AIG1: variants seen among roughly 807,000 people sequenced by gnomAD.
AIG1 encodes the protein androgen induced 1.
Under a neutral mutation model 31.4 loss-of-function variants are expected in AIG1, and 23 were observed. The observed-to-expected ratio is 0.73, with a 90% CI of 0.53 to 1.04. The LOEUF is 1.04. Ranked by LOEUF, AIG1 falls within the 50% of genes least tolerant of loss-of-function variation. AIG1 has a pLI of 0.00. For missense variants in AIG1, 274 were observed against 295.0 expected (o/e 0.93, Z 0.52); for synonymous variants, 100 against 110.5 (o/e 0.90, Z 0.60).
At chr6:143,157,298 C>T (rs1785873175) in intron 2 of AIG1, among the ~76,000 whole-genome samples, 1 of 152,224 alleles carries the variant, frequency 6.6e-6, no homozygotes, top group African/African-American at 2.4e-5. Context: ...TTAATTTCCT[C>T]CACCACATTG....
At position 143,268,834 on chromosome 6, in the gene AIG1, G is replaced by A. The variant is rs1046847777; in HGVS notation, c.400-15276G>A. The stretch of plus-strand genomic sequence containing the variant: ...GGACTTACTTCCCCAGCAGGTGGGA[G>A]TGCCGTCAGTTTCAGCCCTCTGCTC... On this transcript the variant is annotated intron_variant, in intron 3 of 5. Transcript: ENST00000357847. This position sits in a 1 kb window ranked among gnomAD's most constrained non-coding sequence, Gnocchi z 5.0. Among the ~76,000 whole-genome samples the A allele has an allele frequency of 6.6e-6, 1 of 152,238 alleles. No homozygotes were observed. The highest frequency in any genetic ancestry group is 2.4e-5 in the African/African-American group (1 of 41,462).
chr6:143,290,755 G>T (rs944115338), intron 4 of AIG1, among the ~76,000 whole-genome samples: 1 of 152,108 alleles, frequency 6.6e-6, no homozygotes, highest in Non-Finnish European at 1.5e-5. Flanking sequence ...TTGTTTGTTG[G>T]GGGGTGGCAG....
In AIG1 at chr6:143,328,730, A is replaced by G. The variant is rs976986801; in HGVS notation, c.516-4552A>G. On this transcript the variant is annotated intron_variant, in intron 4 of 5. Coordinates refer to ENST00000357847, the MANE Select transcript of AIG1 (RefSeq NM_016108.4). This position sits in a 1 kb window ranked among gnomAD's most constrained non-coding sequence, Gnocchi z 4.0. ...GCACTCAGATAGGAGGCATGAATAA[A>G]TGTTATTTTTTTAATTGTACATAAA... Among the ~76,000 whole-genome samples, 3 of 152,218 alleles carry G rather than the reference A, an allele frequency of 2.0e-5. No individual in the cohort carries two copies. Among genetic ancestry groups the G allele is most frequent in the Admixed American group, 6.5e-5 (1 of 15,280 alleles).
chr6:143,196,093 CT>C (rs1375109516), intron 3 of AIG1, among the ~76,000 whole-genome samples: 2 of 152,180 alleles, frequency 1.3e-5, no homozygotes, highest in Non-Finnish European at 2.9e-5. Flanking sequence ...AGGCTCAGAA[CT>C]TTTTCCCAGC....
rs191082248 is a variant in AIG1, at chr6:143,095,326, A to G, written c.141+34260A>G. Among the ~76,000 whole-genome samples, 315 of 152,320 alleles carry G rather than the reference A, an allele frequency of 2.1e-3. 2 individuals are homozygous for G. The highest frequency in any genetic ancestry group is 7.1e-3 in the African/African-American group (294 of 41,592). ...ATTACTAGTGCAGGAAGCAAAAAAA[A>G]TTAAAAGACTACTGTATGAATTGAA... is the stretch of plus-strand genomic sequence containing the variant. On this transcript the variant is annotated intron_variant, in intron 1 of 5. Transcript: ENST00000357847.
At chr6:143,303,879 G>A (rs940948485) in intron 4 of AIG1, among the ~76,000 whole-genome samples, 2 of 147,756 alleles carry the variant, frequency 1.4e-5, no homozygotes, top group African/African-American at 5.0e-5. Flanking sequence ...TCTTCCATTT[G>A]TTTGTATCCT....
chr6:143,215,259 G>C (rs1791940324), intron 3 of AIG1, among the ~76,000 whole-genome samples: 1 of 152,126 alleles, frequency 6.6e-6, no homozygotes, highest in Non-Finnish European at 1.5e-5. Flanking sequence ...CACCCCAAAA[G>C]TGGAAAAAGG....
intron 3 of AIG1, chr6:143,189,298 C>T: frequency 1.6e-6 from 1 of 639,650 alleles, no homozygotes; most frequent in Non-Finnish European, 1.9e-6. Flanking sequence ...CCAGGCTGGT[C>T]TCGAACTCCT....
chr6:143,114,190 G>A (rs1441706026), intron 1 of AIG1, among the ~76,000 whole-genome samples: 2 of 152,172 alleles, frequency 1.3e-5, no homozygotes, highest in Non-Finnish European at 2.9e-5. Flanking sequence ...TAGTAGAAAA[G>A]TATATCTTCA....
intron 1 of AIG1, among the ~76,000 whole-genome samples, chr6:143,098,775 T>G (rs1211539238): frequency 1.3e-5 from 2 of 152,168 alleles, no homozygotes. Context: ...AACTCCGGGG[T>G]ATGTTGTTCT....
At chr6:143,222,891 T>C (rs917437640) in intron 3 of AIG1, among the ~76,000 whole-genome samples, 1 of 152,354 alleles carries the variant, frequency 6.6e-6, no homozygotes, top group African/African-American at 2.4e-5. Flanking sequence ...TGGATACATC[T>C]TTAAGTCTTA....
intron 2 of AIG1, among the ~76,000 whole-genome samples, chr6:143,138,447 A>G (rs2128523444): frequency 6.6e-6 from 1 of 152,294 alleles, no homozygotes; most frequent in Admixed American, 6.5e-5. Context: ...GTACATGTAT[A>G]TGCATCTATA....
At chr6:143,082,502 C>T (rs1181010622) in intron 1 of AIG1, among the ~76,000 whole-genome samples, 10 of 152,238 alleles carry the variant, frequency 6.6e-5, no homozygotes, top group South Asian at 4.1e-4. Context: ...TAATAGAGCC[C>T]GATATTTAAG....
At chr6:143,290,640 T>A (rs902451704) in intron 4 of AIG1, among the ~76,000 whole-genome samples, 5 of 152,190 alleles carry the variant, frequency 3.3e-5, no homozygotes, top group Non-Finnish European at 7.3e-5. Flanking sequence ...TCTTTCTCTA[T>A]TGGGAGACTG....
intron 1 of AIG1, among the ~76,000 whole-genome samples, chr6:143,091,914 A>G (rs1779340237): frequency 6.6e-6 from 1 of 152,164 alleles, no homozygotes; most frequent in African/African-American, 2.4e-5. Flanking sequence ...CAAGATAGTC[A>G]TAAAATTAGG....
chr6:143,267,602 A>G (rs1184921046), intron 3 of AIG1, among the ~76,000 whole-genome samples: 1 of 152,152 alleles, frequency 6.6e-6, no homozygotes, highest in Non-Finnish European at 1.5e-5. Context: ...AGCTGAAAAG[A>G]TTCTCAAGGC....
intron 3 of AIG1, among the ~76,000 whole-genome samples, chr6:143,195,551 G>A (rs1409327370): frequency 2.0e-5 from 3 of 152,202 alleles, no homozygotes; most frequent in Non-Finnish European, 2.9e-5. Context: ...GCGGGGAAAC[G>A]TTGACAAGCA....
chr6:143,321,962 C>T (rs117450502), intron 4 of AIG1, among the ~76,000 whole-genome samples: 29 of 152,170 alleles, frequency 1.9e-4, no homozygotes, highest in Non-Finnish European at 3.2e-4. Context: ...ACCTTCTAGG[C>T]GCCAATACGT....
intron 3 of AIG1, among the ~76,000 whole-genome samples, chr6:143,181,505 C>T (rs1788715545): frequency 6.6e-6 from 1 of 152,092 alleles, no homozygotes; most frequent in African/African-American, 2.4e-5. Context: ...TCCAGTCCTC[C>T]CATGTTAGAT....
Sources: allele counts gnomAD v4.1 joint callset (sites outside exome capture counted in the v4.1 genomes callset), GRCh38; gene constraint gnomAD v4.1.1; non-coding constraint Gnocchi (gnomAD v3.1); transcripts MANE v1.5; gene names NCBI Gene and HGNC (gene_info 2026-07-23, HGNC 2026-07-21).